The following CAMK2D variants were observed in gnomAD, a reference collection of about 807,000 sequenced individuals.
The protein encoded by CAMK2D is calcium/calmodulin dependent protein kinase II delta.
Under a neutral mutation model 84.0 loss-of-function variants are expected in CAMK2D, and 37 were observed. That is an observed-to-expected ratio of 0.44 (90% CI 0.34 to 0.58). The LOEUF is 0.58. Among genes scored for constraint, CAMK2D ranks in the 20% least tolerant of loss-of-function variants. CAMK2D has a pLI of 0.02. For missense variants in CAMK2D, 448 were observed against 652.5 expected (o/e 0.69, Z 3.41); for synonymous variants, 202 against 212.5 (o/e 0.95, Z 0.43).
intron 5 of CAMK2D, among the ~76,000 whole-genome samples, chr4:113,548,914 A>G (rs1452158976): frequency 6.6e-6 from 1 of 152,246 alleles, no homozygotes; most frequent in African/African-American, 2.4e-5. Context: ...GTTCTAACAA[A>G]AATGACATCC....
intron 2 of CAMK2D, among the ~76,000 whole-genome samples, chr4:113,743,094 C>T (rs895595985): frequency 1.3e-5 from 2 of 152,076 alleles, no homozygotes; most frequent in Non-Finnish European, 2.9e-5. Context: ...TCATTCTGGC[C>T]GTTATTCCTA....
At chr4:113,719,680 G>C (rs150079976) in intron 2 of CAMK2D, among the ~76,000 whole-genome samples, 2 of 152,176 alleles carry the variant, frequency 1.3e-5, no homozygotes, top group East Asian at 1.9e-4. Context: ...CCCCCTTGGG[G>C]GATGGGGAAG....
intron 8 of CAMK2D, among the ~76,000 whole-genome samples, chr4:113,518,320 T>C (rs11946291): frequency 0.22 from 32,824 of 152,038 alleles, 3,689 homozygotes; most frequent in Non-Finnish European, 0.26. Flanking sequence ...AAAGTAATAA[T>C]AACAATAAAC....
intron 6 of CAMK2D, among the ~76,000 whole-genome samples, chr4:113,544,824 G>A (rs2098555360): frequency 6.6e-6 from 1 of 152,000 alleles, no homozygotes. Flanking sequence ...AAAAGGCTGT[G>A]GTCCATGTAT....
At chr4:113,615,536 A>G (rs77472390) in intron 3 of CAMK2D, among the ~76,000 whole-genome samples, 8,277 of 152,184 alleles carry the variant, frequency 0.054, 305 homozygotes, top group Non-Finnish European at 0.078. Flanking sequence ...AGAAAAGTGA[A>G]GCCAAATCTC....
At position 113,662,597 on chromosome 4, in the gene CAMK2D, C is replaced by T. The variant is rs531851839; in HGVS notation, c.161-825G>A. On this transcript the variant is annotated intron_variant, in intron 2 of 20. Transcript: ENST00000511664. The stretch of plus-strand genomic sequence containing the variant: ...CACAAAATATCTGATTTAAATCTTA[C>T]AACCACCATCTTATATTGGCAATAT... 1.5e-3 allele frequency among the ~76,000 whole-genome samples: 226 copies of T among 152,254 alleles called. 1 individual carries two copies. The highest frequency in any genetic ancestry group is 3.1e-3 in the Admixed American group (48 of 15,288).
chr4:113,699,087 T>C (rs2099411077), intron 2 of CAMK2D, among the ~76,000 whole-genome samples: 1 of 152,032 alleles, frequency 6.6e-6, no homozygotes, highest in Non-Finnish European at 1.5e-5. Context: ...TGAGAACACA[T>C]ATAATGTGAT....
At chr4:113,569,886 GA>G (rs2098744262) in intron 4 of CAMK2D, among the ~76,000 whole-genome samples, 1 of 152,034 alleles carries the variant, frequency 6.6e-6, no homozygotes, top group South Asian at 2.1e-4. Flanking sequence ...TCTTTATGGT[GA>G]ATATAATCGA....
chr4:113,473,766 T>C (rs1015228789), intron 16 of CAMK2D, among the ~76,000 whole-genome samples: 1 of 152,180 alleles, frequency 6.6e-6, no homozygotes, highest in African/African-American at 2.4e-5. Flanking sequence ...TGCTATAGCC[T>C]AATAATAAAT....
At chr4:113,562,463 TTATACTACAC>T (rs1055085296) in intron 4 of CAMK2D, among the ~76,000 whole-genome samples, 18 of 152,226 alleles carry the variant, frequency 1.2e-4, no homozygotes, top group Non-Finnish European at 2.2e-4. Context: ...TGTGTGTTAC[TTATACTACAC>T]TATCTTCTTA....
chr4:113,732,041 T>A (rs953584070), intron 2 of CAMK2D, among the ~76,000 whole-genome samples: 3 of 152,074 alleles, frequency 2.0e-5, no homozygotes, highest in Admixed American at 6.6e-5. Context: ...ATTTCACTCC[T>A]TTGGGCCGGG....
At chr4:113,595,214 GACAA>G (rs1239626844) in intron 4 of CAMK2D, among the ~76,000 whole-genome samples, 4 of 151,962 alleles carry the variant, frequency 2.6e-5, no homozygotes, top group African/African-American at 7.3e-5. Context: ...TACTTTCTCA[GACAA>G]ACAAAAAGAA....
At chr4:113,504,719 C>A (rs1716819576) in intron 14 of CAMK2D, among the ~76,000 whole-genome samples, 2 of 151,248 alleles carry the variant, frequency 1.3e-5, no homozygotes, top group South Asian at 4.2e-4. Flanking sequence ...CCACAGCTAT[C>A]AGTACAATGT....
chr4:113,692,547 A>G (rs1424237095), intron 2 of CAMK2D, among the ~76,000 whole-genome samples: 2 of 151,978 alleles, frequency 1.3e-5, no homozygotes, highest in Admixed American at 6.6e-5. Context: ...ACATACATAT[A>G]TTCACACTAT....
At position 113,755,175 on chromosome 4, in the gene CAMK2D, C is replaced by T. The variant is rs72680609; in HGVS notation, c.160+4145G>A. 790 of 139,764 alleles carry T rather than the reference C, an allele frequency of 5.7e-3. 7 individuals are homozygous for T. The highest frequency in any genetic ancestry group is 9.2e-3 in the Non-Finnish European group (716 of 78,158). The allele number at this position is 139,764 out of a possible 1,614,324, so 8.7% of individuals were successfully genotyped here. On this transcript the variant is annotated intron_variant, in intron 2 of 20. Transcript: ENST00000511664. ...CATCAAAAAAGGTTACTTAGGGATA[C>T]ACACACACACACACACACACACACA...
At chr4:113,743,254 A>C (rs1019613877) in intron 2 of CAMK2D, among the ~76,000 whole-genome samples, 3 of 152,206 alleles carry the variant, frequency 2.0e-5, no homozygotes, top group Non-Finnish European at 4.4e-5. Flanking sequence ...TAGTTGCTCT[A>C]TTATTACTAG....
intron 3 of CAMK2D, among the ~76,000 whole-genome samples, chr4:113,655,302 T>C (rs1303602275): frequency 6.6e-6 from 1 of 151,992 alleles, no homozygotes; most frequent in Non-Finnish European, 1.5e-5. Context: ...CTGTTACACT[T>C]TGTAGTGTAT....
chr4:113,591,336 T>C (rs1282150429), intron 4 of CAMK2D, among the ~76,000 whole-genome samples: 1 of 152,196 alleles, frequency 6.6e-6, no homozygotes, highest in Non-Finnish European at 1.5e-5. Flanking sequence ...CAGATTATTG[T>C]AGTTATTTAG....
At position 113,457,571 on chromosome 4, in the gene CAMK2D, A is replaced by G. The variant is rs753963462; in HGVS notation, c.1307-8T>C. The stretch of plus-strand genomic sequence containing the variant: ...TATTGCTTTTGGACAAAGCTGAAAG[A>G]GAAAAACATGAAAAGCAAAATTTAG... On this transcript the variant is annotated splice_polypyrimidine_tract_variant and splice_region_variant and intron_variant, in intron 18 of 20. Transcript: ENST00000511664. 8.1e-6 allele frequency: 13 copies of G among 1,608,378 alleles called. No individual in the cohort carries two copies. The East Asian group carries it at 2.9e-4, about 36-fold the overall frequency.
Sources: allele counts gnomAD v4.1 joint callset (sites outside exome capture counted in the v4.1 genomes callset), GRCh38; gene constraint gnomAD v4.1.1; transcripts MANE v1.5; gene names NCBI Gene and HGNC (gene_info 2026-07-23, HGNC 2026-07-21).